Variants in TRABD2B observed in about 807,000 individuals in gnomAD.
TRABD2B encodes metalloprotease TIKI2.
In TRABD2B, 14 loss-of-function variants were observed where a neutral mutation model predicts 40.1. The observed-to-expected ratio is 0.35, with a 90% CI of 0.23 to 0.55. The LOEUF (loss-of-function observed/expected upper bound fraction) is 0.55, where lower values mean the gene tolerates loss of function less well. TRABD2B is among the 20% of genes least tolerant of loss of function. The pLI, the probability that TRABD2B is intolerant of heterozygous loss-of-function variation, is 0.90. For missense variants in TRABD2B, 541 were observed against 648.6 expected (o/e 0.83, Z 1.80); for synonymous variants, 263 against 277.0 (o/e 0.95, Z 0.50).
chr1:47,928,594 A>AGGAAGAGAT lies in TRABD2B; in HGVS notation c.666+65431_666+65439dup, dbSNP rs541018091. Among the ~76,000 whole-genome samples the AGGAAGAGAT allele has an allele frequency of 1.0e-3, 157 of 152,380 alleles. 2 individuals are homozygous for AGGAAGAGAT. In the South Asian group the frequency reaches 0.017, roughly 17 times the overall value. ...CTGAGCTGAGAAGAAGGGAAAGAAT[A>AGGAAGAGAT]GGAAGAGATAGCAAGGCTCTTAAAG... On this transcript the variant is annotated intron_variant, in intron 2 of 6. Transcript: ENST00000606738.
intron 3 of TRABD2B, among the ~76,000 whole-genome samples, chr1:47,798,792 C>G (rs1644782105): frequency 6.6e-6 from 1 of 152,200 alleles, no homozygotes; most frequent in African/African-American, 2.4e-5. Flanking sequence ...GGCCCCACAG[C>G]CTCCGTATCC....
At chr1:47,969,716 G>A (rs1337625456) in intron 2 of TRABD2B, among the ~76,000 whole-genome samples, 1 of 152,166 alleles carries the variant, frequency 6.6e-6, no homozygotes, top group Non-Finnish European at 1.5e-5. Flanking sequence ...TAGTAATTTG[G>A]CCTAAAAAGA....
Position 47,765,819 on chromosome 1 carries a change from CT to C in TRABD2B, c.*82del. On this transcript the variant is annotated 3_prime_UTR_variant, in exon 7 of 7. Coordinates refer to ENST00000606738, the MANE Select transcript of TRABD2B (RefSeq NM_001194986.2). ...CTGCCCTCGACGTGTTGGGCACCCC[CT>C]GGAGGTGGTGGCAGGAGCAGTTGGG... The C allele has an allele frequency of 1.4e-6, 1 of 702,658 alleles. No homozygotes were observed. Among genetic ancestry groups the C allele is most frequent in the South Asian group, 1.5e-5 (1 of 67,390 alleles). The allele number at this position is 702,658 out of a possible 1,614,324, so 43.5% of individuals were successfully genotyped here.
chr1:47,835,433 A>C (rs1645305689), intron 2 of TRABD2B, among the ~76,000 whole-genome samples: 1 of 152,200 alleles, frequency 6.6e-6, no homozygotes, highest in South Asian at 2.1e-4. Context: ...CAAGAAGCTC[A>C]GTGAACTCCA....
intron 4 of TRABD2B, among the ~76,000 whole-genome samples, chr1:47,783,765 G>A (rs1382066885): frequency 6.6e-6 from 1 of 152,084 alleles, no homozygotes; most frequent in African/African-American, 2.4e-5. Flanking sequence ...CAGAGCACAG[G>A]CCAAGGCCAG....
At position 47,978,294 on chromosome 1, in the gene TRABD2B, T is replaced by G. The variant is rs1463983415; in HGVS notation, c.666+15740A>C. Among the ~76,000 whole-genome samples the G allele has an allele frequency of 5.3e-5, 8 of 152,220 alleles. No individual in the cohort carries two copies. The South Asian group carries it at 1.7e-3, about 32-fold the overall frequency. ...CACTGAATCTACTAGTGTCTTGATCTTGGACTTCCTGGCCCCCAGAACTGT... is the reference window on the plus strand; with the variant it reads ...CACTGAATCTACTAGTGTCTTGATCGTGGACTTCCTGGCCCCCAGAACTGT... On this transcript the variant is annotated intron_variant, in intron 2 of 6. Coordinates refer to ENST00000606738, the MANE Select transcript of TRABD2B (RefSeq NM_001194986.2).
chr1:47,964,876 C>T (rs1197326029), intron 2 of TRABD2B, among the ~76,000 whole-genome samples: 1 of 151,966 alleles, frequency 6.6e-6, no homozygotes, highest in Non-Finnish European at 1.5e-5. Context: ...CCCTTGGAAG[C>T]CCTGCCCAGG....
intron 2 of TRABD2B, among the ~76,000 whole-genome samples, chr1:47,946,265 T>C (rs1253693270): frequency 1.3e-5 from 2 of 152,244 alleles, no homozygotes; most frequent in African/African-American, 4.8e-5. Flanking sequence ...TTTTGAGCAT[T>C]CTTTATATAT....
Position 47,765,945 on chromosome 1 carries a change from G to A in TRABD2B, c.1511C>T (p.Thr504Ile), listed in dbSNP as rs749648061. Residue 504 changes from threonine (T) to isoleucine (I), a missense_variant, in exon 7 of 7, where the codon ACC becomes ATC. Coordinates refer to ENST00000606738, the MANE Select transcript of TRABD2B (RefSeq NM_001194986.2). ...TLGLLPAIAT[T>I]IAVCFLLHSL... is the part of the protein sequence containing the mutation. ...ATGCAGCAGGAAGCAGACAGCGATGGTGGTGGCGATGGCGGGGAGAAGGCC... is the reference window on the plus strand; with the variant it reads ...ATGCAGCAGGAAGCAGACAGCGATGATGGTGGCGATGGCGGGGAGAAGGCC... 1.7e-4 allele frequency: 119 copies of A among 702,628 alleles called. 3 individuals are homozygous for A. The highest frequency in any genetic ancestry group is 1.6e-3 in the South Asian group (108 of 67,306). 43.5% of individuals were successfully genotyped at this position (702,628 alleles called of 1,614,324 possible). A position where few individuals can be genotyped will look rare whatever the true frequency, so the allele number is the denominator to read the frequency against.
intron 2 of TRABD2B, among the ~76,000 whole-genome samples, chr1:47,816,760 A>T (rs1645037753): frequency 6.6e-6 from 1 of 152,168 alleles, no homozygotes; most frequent in South Asian, 2.1e-4. Context: ...CATTTGTTCC[A>T]TGACAGGGAG....
intron 2 of TRABD2B, among the ~76,000 whole-genome samples, chr1:47,833,061 C>T (rs1645271551): frequency 6.6e-6 from 1 of 152,146 alleles, no homozygotes. Context: ...GGATTGACTC[C>T]CAGGCTTGTA....
At position 47,978,530 on chromosome 1, in the gene TRABD2B, G is replaced by A. The variant is rs564315364; in HGVS notation, c.666+15504C>T. 1.7e-3 allele frequency among the ~76,000 whole-genome samples: 261 copies of A among 152,234 alleles called. 1 individual carries two copies. Among genetic ancestry groups the A allele is most frequent in the African/African-American group, 6.0e-3 (249 of 41,540 alleles). ...CAGACTGCCTGTGGTATCCCGACCC[G>A]AATGACTGGCTGGCATTCCCAAAGA... is the stretch of plus-strand genomic sequence containing the variant. On this transcript the variant is annotated intron_variant, in intron 2 of 6. Transcript: ENST00000606738.
intron 2 of TRABD2B, among the ~76,000 whole-genome samples, chr1:47,803,128 G>A (rs924205841): frequency 1.3e-5 from 2 of 152,188 alleles, no homozygotes; most frequent in Non-Finnish European, 2.9e-5. Context: ...ACTCTCCTCG[G>A]CTGTCTCCTC....
intron 2 of TRABD2B, among the ~76,000 whole-genome samples, chr1:47,874,176 T>G (rs1377762312): frequency 1.3e-5 from 2 of 152,112 alleles, no homozygotes; most frequent in African/African-American, 4.8e-5. Flanking sequence ...AGTGAGCAAC[T>G]TGGGAACTTA....
rs551771715 is a variant in TRABD2B, at chr1:47,876,801, G to A, written c.667-75182C>T. Among the ~76,000 whole-genome samples the A allele has an allele frequency of 6.6e-5, 10 of 152,248 alleles. No homozygotes were observed. The South Asian group carries it at 1.2e-3, about 19-fold the overall frequency. On this transcript the variant is annotated intron_variant, in intron 2 of 6. Coordinates refer to ENST00000606738, the MANE Select transcript of TRABD2B (RefSeq NM_001194986.2). The stretch of plus-strand genomic sequence containing the variant: ...ATGTCTCTGTTTACTCTTTATATAC[G>A]CACATACTAAGCACCAACTGTTTGC...
intron 2 of TRABD2B, among the ~76,000 whole-genome samples, chr1:47,899,055 A>C (rs1233616948): frequency 1.3e-5 from 2 of 152,224 alleles, no homozygotes; most frequent in Non-Finnish European, 2.9e-5. Flanking sequence ...GCAAGTGCCC[A>C]CTGAGTCTTT....
chr1:47,900,120 G>C (rs1293247228), intron 2 of TRABD2B, among the ~76,000 whole-genome samples: 1 of 152,142 alleles, frequency 6.6e-6, no homozygotes, highest in Non-Finnish European at 1.5e-5. Context: ...AACCACCTCA[G>C]AGTCGGCTTC....
At chr1:47,865,100 G>A (rs1336699610) in intron 2 of TRABD2B, among the ~76,000 whole-genome samples, 1 of 152,166 alleles carries the variant, frequency 6.6e-6, no homozygotes, top group Non-Finnish European at 1.5e-5. Context: ...CGGGAAAGGA[G>A]GTTACAAGTG....
intron 2 of TRABD2B, among the ~76,000 whole-genome samples, chr1:47,918,753 T>C (rs548062893): frequency 6.6e-6 from 1 of 152,280 alleles, no homozygotes; most frequent in African/African-American, 2.4e-5. Flanking sequence ...TATGCCTCCA[T>C]GCAGACTGGG....
Sources: allele counts gnomAD v4.1 joint callset (sites outside exome capture counted in the v4.1 genomes callset), GRCh38; gene constraint gnomAD v4.1.1; transcripts MANE v1.5; gene names NCBI Gene and HGNC (gene_info 2026-07-23, HGNC 2026-07-21).